The following MYOM1 variants were observed in gnomAD, a reference collection of about 807,000 sequenced individuals.
MYOM1 encodes the protein myomesin-1.
A neutral mutation model predicts 205.3 loss-of-function variants in MYOM1; 164 were observed. The observed-to-expected ratio is 0.80, with a 90% confidence interval of 0.70 to 0.91. MYOM1 has a LOEUF of 0.91. Ranked by LOEUF, MYOM1 falls within the 40% of genes least tolerant of loss-of-function variation. The pLI is 0.00. For synonymous variants in MYOM1, 772 were observed against 789.4 expected, an observed-to-expected ratio of 0.98 and a Z score of 0.37; for missense variants, 2,011 against 2,127.3, an observed-to-expected ratio of 0.95 and a Z score of 1.08.
At chr18:3,168,707 A>T in intron 9 of MYOM1, 110 bp downstream of exon 9, 2 of 1,068,834 alleles carry the variant, frequency 1.9e-6, no homozygotes, top group South Asian at 1.6e-5. Flanking sequence ...AATCGTGTAA[A>T]GGTAGTCCCT....
At chr18:3,227,957 C>T in the MYOM1 span, among the ~76,000 whole-genome samples, 2 of 54,588 alleles carry the variant, frequency 3.7e-5, no homozygotes, top group Non-Finnish European at 6.9e-5. Flanking sequence ...TATATTTTAC[C>T]ACAATTTTTT....
chr18:3,079,685 G>A (rs768737436), intron 33 of MYOM1, among the ~76,000 whole-genome samples: 2 of 151,992 alleles, frequency 1.3e-5, no homozygotes, highest in African/African-American at 2.4e-5. Flanking sequence ...AAAGCTAAAA[G>A]GCCAAACTAC....
intron 17 of MYOM1, among the ~76,000 whole-genome samples, chr18:3,130,138 G>A (rs1018669106): frequency 1.3e-5 from 2 of 151,836 alleles, no homozygotes; most frequent in African/African-American, 2.4e-5. Flanking sequence ...CACCTTCTGG[G>A]TTCAAACAAT....
rs1211457509 is a variant in MYOM1 at position 3,136,147 on chromosome 18, A to AC, written c.2026-418dup. 3.9e-5 allele frequency among the ~76,000 whole-genome samples: 6 copies of AC among 152,212 alleles called. No individual in the cohort carries two copies. In the East Asian group the frequency reaches 1.2e-3, roughly 29 times the overall value. ...TCTGTCTTGCCTGCCACCGTGTAAG[A>AC]CGTGCCTTTCGCCTTCCACCATGAT... On this transcript the variant is annotated intron_variant, in intron 14 of 37. Transcript: ENST00000356443.
intron 19 of MYOM1, among the ~76,000 whole-genome samples, chr18:3,121,621 G>C (rs1264311868): frequency 2.0e-5 from 3 of 150,200 alleles, no homozygotes; most frequent in Non-Finnish European, 4.4e-5. Context: ...CATACAAGTT[G>C]GGAAAAAGGT....
rs890340992 is a variant in MYOM1, at chr18:3,129,167, T to C, written c.2794+65A>G. The C allele has an allele frequency of 1.1e-5, 17 of 1,523,026 alleles. No homozygotes were observed. The African/African-American group carries it at 1.4e-4, about 12-fold the overall frequency. 94.3% of individuals were successfully genotyped at this position (1,523,026 alleles called of 1,614,324 possible). Reference sequence around the variant, plus strand: ...GCAAACATGGATGAAGGATGTGATGTAGACGATGAGAGGTGAGGACAGTGA... The same window carrying C: ...GCAAACATGGATGAAGGATGTGATGCAGACGATGAGAGGTGAGGACAGTGA... On this transcript the variant is annotated intron_variant, in intron 18 of 37. Coordinates refer to ENST00000356443, the MANE Select transcript of MYOM1 (RefSeq NM_003803.4).
chr18:3,098,422 C>T (rs549541029), intron 25 of MYOM1, among the ~76,000 whole-genome samples: 5 of 152,108 alleles, frequency 3.3e-5, no homozygotes, highest in African/African-American at 7.2e-5. Flanking sequence ...GGATTACAGG[C>T]GCCCACCACC....
Position 3,129,247 on chromosome 18 carries a change from T to G in MYOM1, c.2779A>C (p.Lys927Gln), listed in dbSNP as rs968211864. ...CAACTCTCACCTCTGTCTGTCTTCTTTTTCAGGGGGTCAGACTTACTTTTC... is the reference window on the plus strand; with the variant it reads ...CAACTCTCACCTCTGTCTGTCTTCTGTTTCAGGGGGTCAGACTTACTTTTC... ...QGKSKSDPLK[K>Q]KTDRAPPSPP... The change falls in exon 18 of 38, where the codon AAG (lysine) becomes CAG (glutamine). Residue 927 changes from lysine (K) to glutamine (Q), a missense_variant. Coordinates refer to ENST00000356443, the MANE Select transcript of MYOM1 (RefSeq NM_003803.4). 2 of 1,613,494 alleles carry G rather than the reference T, an allele frequency of 1.2e-6. No homozygotes were observed. Among genetic ancestry groups the G allele is most frequent in the African/African-American group, 2.7e-5 (2 of 74,976 alleles).
rs1400037757 is a variant in MYOM1 at position 3,219,950 on chromosome 18, T to C, written c.-176A>G. On this transcript the variant is annotated 5_prime_UTR_variant, in exon 1 of 38. Transcript: ENST00000356443. This position sits in a 1 kb window ranked among gnomAD's most constrained non-coding sequence, Gnocchi z 4.4. ...ACCCTGGGGGCCAGTTCAAAAATAA[T>C]GCATGTGGTCAGGCAGTCGAATGTC... 1 of 152,184 alleles carries C rather than the reference T, an allele frequency of 6.6e-6. No homozygotes were observed. Among genetic ancestry groups the C allele is most frequent in the Non-Finnish European group, 1.5e-5 (1 of 68,064 alleles). The allele number at this position is 152,184 out of a possible 1,614,324, so 9.4% of individuals were successfully genotyped here.
chr18:3,121,869 A>G (rs1035475337), intron 19 of MYOM1, among the ~76,000 whole-genome samples: 4 of 152,382 alleles, frequency 2.6e-5, no homozygotes, highest in African/African-American at 7.2e-5. Flanking sequence ...CTGTAATCCC[A>G]GCACTTTGGG....
At chr18:3,176,874 T>C (rs1051336693) in intron 5 of MYOM1, among the ~76,000 whole-genome samples, 7 of 139,666 alleles carry the variant, frequency 5.0e-5, no homozygotes, top group Non-Finnish European at 9.4e-5. Flanking sequence ...GGAGTGAGAC[T>C]CCATCTCGAA....
At chr18:3,075,208 G>C (rs994843124) in intron 36 of MYOM1, among the ~76,000 whole-genome samples, 4 of 152,126 alleles carry the variant, frequency 2.6e-5, no homozygotes, top group African/African-American at 4.8e-5. Flanking sequence ...AGGTTTCTCA[G>C]GATGTCTGGG....
In MYOM1 at chr18:3,188,850, G is replaced by A; in HGVS notation, c.669C>T (p.Ser223=). Residue 223 remains serine, a synonymous_variant, in exon 4 of 38, where the codon TCC becomes TCT. Coordinates refer to ENST00000356443, the MANE Select transcript of MYOM1 (RefSeq NM_003803.4). The stretch of plus-strand genomic sequence containing the variant: ...GTTGAAGAGCGGATGTGGCCTGTTT[G>A]GAAACCACAGACTGCCTGGATGCCG... ...QSTASRQSVV[S]KQATSALQQE... 1.2e-6 allele frequency: 2 copies of A among 1,613,508 alleles called. No homozygotes were observed. The highest frequency in any genetic ancestry group is 1.6e-4 in the Middle Eastern group (1 of 6,062).
chr18:3,113,067 AGAT>A (rs2079550558), intron 21 of MYOM1, among the ~76,000 whole-genome samples: 1 of 147,674 alleles, frequency 6.8e-6, no homozygotes. Flanking sequence ...TTAATGATCA[AGAT>A]GTGTGCTGAG....
intron 5 of MYOM1, among the ~76,000 whole-genome samples, chr18:3,178,808 G>T (rs974737786): frequency 3.3e-5 from 5 of 152,056 alleles, no homozygotes; most frequent in African/African-American, 1.2e-4. Context: ...AATTATGGTT[G>T]GATATGTGTC....
intron 20 of MYOM1, among the ~76,000 whole-genome samples, chr18:3,118,849 G>A (rs961118406): frequency 2.0e-5 from 3 of 152,126 alleles, no homozygotes; most frequent in African/African-American, 7.2e-5. Flanking sequence ...TGCTGAAGTC[G>A]AGAGAGCACC....
At chr18:3,137,744 A>G (rs2079991536) in intron 14 of MYOM1, among the ~76,000 whole-genome samples, 1 of 152,224 alleles carries the variant, frequency 6.6e-6, no homozygotes, top group Non-Finnish European at 1.5e-5. Flanking sequence ...AGTGTTCAAT[A>G]GCACAGTAGG....
rs560200083 is a variant in MYOM1 at position 3,135,534 on chromosome 18, T to C, written c.2209+13A>G. ...ATTTTCTCTTGAAGTAAAAGAAGTTTACAGTTGCTTACCAAGTTTGTCCCC... is the reference window on the plus strand; with the variant it reads ...ATTTTCTCTTGAAGTAAAAGAAGTTCACAGTTGCTTACCAAGTTTGTCCCC... On this transcript the variant is annotated intron_variant, in intron 15 of 37. Transcript: ENST00000356443. The surrounding 1 kb of genome is among the most constrained non-coding windows in gnomAD (Gnocchi z 4.1). The C allele has an allele frequency of 1.9e-6, 3 of 1,610,014 alleles. No individual in the cohort carries two copies. Among genetic ancestry groups the C allele is most frequent in the South Asian group, 1.1e-5 (1 of 90,646 alleles).
chr18:3,083,821 A>C lies in MYOM1; in HGVS notation c.4452T>G (p.Tyr1484Ter). ...ACCAGTTAACTTTCAAATCCTCCAC[A>C]TAGTAAGTTACAAAAGAGTACAGTT... ...GIQLYSFVTY[Y>*]VEDLKVNWSH... Residue 1484 changes from tyrosine to a stop codon, truncating the protein, a stop_gained, in exon 33 of 38, where the codon TAT becomes TAG. Transcript: ENST00000356443. LOFTEE classifies it high-confidence loss of function. 1 of 1,578,162 alleles carries C rather than the reference A, an allele frequency of 6.3e-7. No individual in the cohort carries two copies. Among genetic ancestry groups the C allele is most frequent in the Non-Finnish European group, 8.6e-7 (1 of 1,160,556 alleles).
Sources: gnomAD v4.1 joint callset for allele counts (sites outside exome capture counted in the v4.1 genomes callset) on GRCh38, gnomAD v4.1.1 for gene constraint, Gnocchi (gnomAD v3.1) non-coding constraint, MANE v1.5 for transcripts, NCBI Gene and HGNC (gene_info 2026-07-23, HGNC 2026-07-21) for gene names.